The following POLR2F variants were observed in gnomAD, a reference collection of about 807,000 sequenced individuals.
The protein encoded by POLR2F is RNA polymerase II, I and III subunit F, also known as DNA-directed RNA polymerases I, II, and III subunit RPABC2.
In POLR2F, 12 loss-of-function variants were observed where a neutral mutation model predicts 22.7. The observed-to-expected ratio is 0.53, with a 90% confidence interval of 0.34 to 0.86. POLR2F has a LOEUF of 0.86. POLR2F is among the 40% of genes least tolerant of loss of function. The probability of loss-of-function intolerance (pLI) is 0.02; values close to 1 mark genes in which losing one functional copy is unlikely to be tolerated. For missense variants in POLR2F, 126 were observed against 171.5 expected (o/e 0.73, Z 1.48); for synonymous variants, 57 against 66.0 (o/e 0.86, Z 0.66).
chr22:38,000,177 G>A (rs752859376), intron 1 of POLR2F, among the ~76,000 whole-genome samples: 28 of 152,198 alleles, frequency 1.8e-4, no homozygotes, highest in Non-Finnish European at 2.1e-4. Flanking sequence ...CACTGGCCTC[G>A]GTTCCTCCCC....
upstream of POLR2F, chr22:37,984,541 A>ACTGACTGAG (rs1932513364): frequency 3.3e-5 from 5 of 150,736 alleles, no homozygotes; most frequent in South Asian, 1.1e-3. The surrounding 1 kb of genome is among the most constrained non-coding windows in gnomAD (Gnocchi z 4.4). Context: ...ACAGCCCGAG[A>ACTGACTGAG]CTGACTGAGC....
At chr22:38,038,131 G>A (rs909856927) in intron 5 of POLR2F, among the ~76,000 whole-genome samples, 4 of 151,992 alleles carry the variant, frequency 2.6e-5, no homozygotes, top group African/African-American at 4.8e-5. Flanking sequence ...GGAGAAAGCT[G>A]GGGTGGGGAA....
intron 1 of POLR2F, among the ~76,000 whole-genome samples, chr22:37,999,355 G>A (rs1044746400): frequency 3.9e-5 from 6 of 152,266 alleles, no homozygotes; most frequent in South Asian, 2.1e-4. Flanking sequence ...GGAGCTTGTC[G>A]GCCATCACAG....
At chr22:37,974,118 C>G, downstream of POLR2F, 2 of 1,612,938 alleles carry the variant, frequency 1.2e-6, no homozygotes, top group South Asian at 1.1e-5. This position sits in a 1 kb window ranked among gnomAD's most constrained non-coding sequence, Gnocchi z 5.4. Context: ...ATGGAGCGCC[C>G]GTCCCGCTTC....
intron 1 of POLR2F, among the ~76,000 whole-genome samples, chr22:38,019,173 G>A (rs2084939308): frequency 6.6e-6 from 1 of 152,124 alleles, no homozygotes. Context: ...TTGGAGTGAT[G>A]GGGACTTGAC....
chr22:37,953,677 G>T (rs373806616), upstream of POLR2F: 6 of 1,346,996 alleles, frequency 4.5e-6, no homozygotes, highest in South Asian at 7.9e-5. Context: ...ATTTCCTCTG[G>T]GTTACGGCGC....
At chr22:37,990,542 A>G (rs1932703999) in intron 1 of POLR2F, among the ~76,000 whole-genome samples, 1 of 152,260 alleles carries the variant, frequency 6.6e-6, no homozygotes, top group African/African-American at 2.4e-5. Flanking sequence ...TCCTCTGTGC[A>G]GGGCACTGGG....
chr22:37,993,676 C>CA lies in POLR2F; in HGVS notation c.120+7365dup, dbSNP rs573828764. On this transcript the variant is annotated intron_variant, in intron 1 of 2. Coordinates refer to the POLR2F transcript ENST00000333418. Reference sequence around the variant, plus strand: ...AATCTCCTGTCTGTAAAATGAGAATCACGATACCTGCCATGTCACAAGGAT... The same window carrying CA: ...AATCTCCTGTCTGTAAAATGAGAATCAACGATACCTGCCATGTCACAAGGAT... Among the ~76,000 whole-genome samples, 43 of 152,216 alleles carry CA rather than the reference C, an allele frequency of 2.8e-4. 1 individual carries two copies. The South Asian group carries it at 8.7e-3, about 31-fold the overall frequency.
upstream of POLR2F, chr22:37,983,892 G>T: frequency 1.0e-6 from 1 of 999,790 alleles, no homozygotes; most frequent in Middle Eastern, 3.8e-4. The surrounding 1 kb of genome is among the most constrained non-coding windows in gnomAD (Gnocchi z 9.5). Flanking sequence ...GGGCGCGATG[G>T]AGCGGCCGCG....
chr22:38,041,074 GC>G lies in POLR2F; in HGVS notation c.460del (p.Arg154GlyfsTer?), dbSNP rs1234541265. 2 of 1,612,936 alleles carry G rather than the reference GC, an allele frequency of 1.2e-6. No individual in the cohort carries two copies. The highest frequency in any genetic ancestry group is 1.7e-6 in the Non-Finnish European group (2 of 1,179,896). ...TCCCTGTGTTATTTTCCAGGAGGCGGCGGCTCAGAGAGGAGTGACTCGCCTG... is the reference window on the plus strand; with the variant it reads ...TCCCTGTGTTATTTTCCAGGAGGCGGGGCTCAGAGAGGAGTGACTCGCCTG... On this transcript the variant is annotated frameshift_variant, in exon 6 of 6. Transcript: ENST00000407936. LOFTEE classifies it high-confidence loss of function.
chr22:37,995,028 A>G (rs1419256155), intron 1 of POLR2F, among the ~76,000 whole-genome samples: 1 of 152,226 alleles, frequency 6.6e-6, no homozygotes, highest in Non-Finnish European at 1.5e-5. Flanking sequence ...TTGAAATCGC[A>G]GTGACTGCTT....
intron 3 of POLR2F, among the ~76,000 whole-genome samples, chr22:37,965,834 C>T (rs1207564896): frequency 6.6e-6 from 1 of 152,324 alleles, no homozygotes; most frequent in East Asian, 1.9e-4. Context: ...GGGAAGGACC[C>T]AGGAACCTGT....
chr22:37,968,614 G>T lies in POLR2F; in HGVS notation c.*899G>T, dbSNP rs544402068. The T allele has an allele frequency of 1.0e-6, 1 of 985,472 alleles. No homozygotes were observed. Among genetic ancestry groups the T allele is most frequent in the Non-Finnish European group, 1.2e-6 (1 of 830,070 alleles). 61.0% of individuals were successfully genotyped at this position (985,472 alleles called of 1,614,324 possible). On this transcript the variant is annotated 3_prime_UTR_variant, in exon 5 of 5. Transcript: ENST00000442738. ...CTCCACCCTGCTTACCCAACCTGAGGTAAGACCAGTCACACTGGCTCCTCC... is the reference window on the plus strand; with the variant it reads ...CTCCACCCTGCTTACCCAACCTGAGTTAAGACCAGTCACACTGGCTCCTCC...
At chr22:38,038,134 G>A (rs1338612892) in intron 5 of POLR2F, among the ~76,000 whole-genome samples, 2 of 151,612 alleles carry the variant, frequency 1.3e-5, no homozygotes, top group Non-Finnish European at 2.9e-5. Context: ...GAAAGCTGGG[G>A]TGGGGAAAGA....
Position 37,967,827 on chromosome 22 carries a change from A to T in POLR2F, c.*112A>T. 1.4e-6 allele frequency: 2 copies of T among 1,463,074 alleles called. No homozygotes were observed. Among genetic ancestry groups the T allele is most frequent in the Non-Finnish European group, 1.8e-6 (2 of 1,110,218 alleles). 90.6% of individuals were successfully genotyped at this position (1,463,074 alleles called of 1,614,324 possible). On this transcript the variant is annotated 3_prime_UTR_variant, in exon 5 of 5. Transcript: ENST00000442738. ...CCCCCTTCCCCTCTGCTTATCTGCAATGTCACCACCTGTTGCTTCCCCGTT... is the reference window on the plus strand; with the variant it reads ...CCCCCTTCCCCTCTGCTTATCTGCATTGTCACCACCTGTTGCTTCCCCGTT...
chr22:38,023,750 G>A (rs1316032836), intron 1 of POLR2F, among the ~76,000 whole-genome samples: 1 of 151,786 alleles, frequency 6.6e-6, no homozygotes, highest in Non-Finnish European at 1.5e-5. Context: ...TTGGCTCACT[G>A]CAACCTCTGC....
intron 1 of POLR2F, among the ~76,000 whole-genome samples, chr22:37,989,214 C>T (rs1053366680): frequency 3.3e-5 from 5 of 152,136 alleles, no homozygotes; most frequent in African/African-American, 1.2e-4. Context: ...TGCATATGTA[C>T]GATGTTGATA....
intron 1 of POLR2F, among the ~76,000 whole-genome samples, chr22:37,992,957 A>G (rs1364151236): frequency 6.6e-6 from 1 of 152,172 alleles, no homozygotes; most frequent in Admixed American, 6.5e-5. Context: ...CTGTGGGGTA[A>G]ATAAAGAGGG....
At chr22:37,956,066 T>G (rs535818010) in intron 1 of POLR2F, among the ~76,000 whole-genome samples, 93 of 152,012 alleles carry the variant, frequency 6.1e-4, no homozygotes, top group African/African-American at 1.8e-3. Flanking sequence ...TTGATTTTTT[T>G]TTTGTTTGTT....
Sources: allele counts gnomAD v4.1 joint callset (sites outside exome capture counted in the v4.1 genomes callset), GRCh38; gene constraint gnomAD v4.1.1; non-coding constraint Gnocchi (gnomAD v3.1); transcripts MANE v1.5; gene names NCBI Gene and HGNC (gene_info 2026-07-23, HGNC 2026-07-21).